The following PXN variants were observed in gnomAD, a reference collection of about 807,000 sequenced individuals.
PXN encodes paxillin.
A neutral mutation model predicts 103.6 loss-of-function variants in PXN; 61 were observed. The observed-to-expected ratio is 0.59, with a 90% CI of 0.48 to 0.73. PXN has a LOEUF of 0.73. Among genes scored for constraint, PXN ranks in the 30% least tolerant of loss-of-function variants. The pLI, the probability that PXN is intolerant of heterozygous loss-of-function variation, is 0.00. For missense variants in PXN, 1,274 were observed against 1,460.3 expected, an observed-to-expected ratio of 0.87 and a Z score of 2.08; for synonymous variants, 562 against 607.8, an observed-to-expected ratio of 0.92 and a Z score of 1.11.
chr12:120,262,271 A>G (rs1057376734), intron 1 of PXN, among the ~76,000 whole-genome samples: 4 of 152,248 alleles, frequency 2.6e-5, no homozygotes, highest in African/African-American at 9.6e-5. Context: ...GGCACTGCCA[A>G]CAGCTGGCTG....
intron 1 of PXN, among the ~76,000 whole-genome samples, chr12:120,235,611 G>A (rs951720919): frequency 6.6e-5 from 10 of 152,078 alleles, no homozygotes; most frequent in African/African-American, 9.7e-5. Context: ...CCAAAAAGGC[G>A]GGCCTGCTGG....
At chr12:120,223,883 CA>C (rs1371649767) in intron 2 of PXN, 50 bp from the exon 3 acceptor site, 1 of 1,392,254 alleles carries the variant, frequency 7.2e-7, no homozygotes, top group African/African-American at 1.4e-5. Context: ...GAAAAAGGAA[CA>C]GGGGCCAGGA....
In PXN at chr12:120,222,651, G is replaced by A. The variant is rs373413751; in HGVS notation, c.593C>T (p.Thr198Met). Residue 198 changes from threonine (T) to methionine (M), a missense_variant, in exon 5 of 15, where the codon ACG becomes ATG. Thr to Met is a moderately conservative substitution (Grantham distance 81). Coordinates refer to ENST00000637617, the MANE Select transcript of PXN (RefSeq NM_001385981.1). This position sits in a 1 kb window ranked among gnomAD's most constrained non-coding sequence, Gnocchi z 4.7. ...CCCATTCCGCTTAGGCTTCTCTTTC[G>A]TCAGGGGCCCAGCTTTGCCTCCCAA... is the stretch of plus-strand genomic sequence containing the variant. ...SPLGGKAGPL[T>M]KEKPKRNGGR... 6.8e-6 allele frequency: 11 copies of A among 1,608,710 alleles called. No individual in the cohort carries two copies. Among genetic ancestry groups the A allele is most frequent in the East Asian group, 6.7e-5 (3 of 44,748 alleles).
At chr12:120,258,192 CAAA>C (rs35240186) in intron 1 of PXN, among the ~76,000 whole-genome samples, 5 of 118,400 alleles carry the variant, frequency 4.2e-5, no homozygotes, top group Non-Finnish European at 7.4e-5. Context: ...GACTCCGTCT[CAAA>C]AAAAAAAAAA....
chr12:120,244,153 T>C (rs1041950752), intron 1 of PXN, among the ~76,000 whole-genome samples: 1 of 147,542 alleles, frequency 6.8e-6, no homozygotes, highest in Non-Finnish European at 1.5e-5. Context: ...TCCCAGAATG[T>C]CCCATCTACT....
At chr12:120,262,117 A>T (rs1273242602) in intron 1 of PXN, among the ~76,000 whole-genome samples, 1 of 152,226 alleles carries the variant, frequency 6.6e-6, no homozygotes. Context: ...CCATGGAAAC[A>T]GGGAGGCTCC....
rs542366461 is a variant in PXN, at chr12:120,224,610, C to T, written c.14-233G>A. ...CCCAGGACTGAAAGTGCTCTAGAGG[C>T]GGGCTCTGGGGCTGCCCTGTGGGAT... On this transcript the variant is annotated intron_variant, in intron 1 of 14. Transcript: ENST00000637617. This position sits in a 1 kb window ranked among gnomAD's most constrained non-coding sequence, Gnocchi z 5.0. The T allele has an allele frequency of 1.2e-5, 8 of 689,388 alleles. No homozygotes were observed. The highest frequency in any genetic ancestry group is 5.5e-5 in the East Asian group (2 of 36,236). 42.7% of individuals were successfully genotyped at this position (689,388 alleles called of 1,614,324 possible).
rs1884729287 is a variant in PXN, at chr12:120,220,306, A to G, written c.832-215T>C. ...TCACCAAACCCAAGCAAGAGAAAGC[A>G]GCCACCAAGCCGTGCCTGTGGAGCC... On this transcript the variant is annotated intron_variant, in intron 6 of 14. Coordinates refer to ENST00000637617, the MANE Select transcript of PXN (RefSeq NM_001385981.1). The surrounding 1 kb of genome is among the most constrained non-coding windows in gnomAD (Gnocchi z 6.1). Among the ~76,000 whole-genome samples, 1 of 152,154 alleles carries G rather than the reference A, an allele frequency of 6.6e-6. No homozygotes were observed.
intron 1 of PXN, among the ~76,000 whole-genome samples, chr12:120,253,553 T>C (rs544773648): frequency 2.0e-5 from 3 of 152,208 alleles, no homozygotes; most frequent in African/African-American, 2.4e-5. Context: ...TCTTGCATCA[T>C]TGCCTGTGGT....
chr12:120,216,534 A>T lies in PXN; in HGVS notation c.2040T>A (p.Ser680=). The T allele has an allele frequency of 7.1e-7, 1 of 1,409,176 alleles. No homozygotes were observed. The highest frequency in any genetic ancestry group is 1.5e-5 in the African/African-American group (1 of 67,214). 87.3% of individuals were successfully genotyped at this position (1,409,176 alleles called of 1,614,324 possible). A position where few individuals can be genotyped will look rare whatever the true frequency, so the allele number is the denominator to read the frequency against. Residue 680 remains serine, a synonymous_variant, in exon 9 of 15, where the codon TCT becomes TCA. Transcript: ENST00000637617. The surrounding 1 kb of genome is among the most constrained non-coding windows in gnomAD (Gnocchi z 5.1). ...AAGGGACAGAAGGAGAAGCCAGGAC[A>T]GAGATGGTTCTTCTCAGGGGAATGG... ...GSPIPLRRTI[S]VLASPSVPLL... is the part of the protein sequence containing the mutation.
At chr12:120,262,599 A>G (rs958855561) in intron 1 of PXN, among the ~76,000 whole-genome samples, 8 of 152,188 alleles carry the variant, frequency 5.3e-5, no homozygotes, top group Admixed American at 4.6e-4. Context: ...TACAGCTCGT[A>G]AAGTGCTGAG....
rs1885539486 is a variant in PXN at position 120,222,676 on chromosome 12, A to G, written c.568T>C (p.Leu190=). The change falls in exon 5 of 15, where the codon TTG becomes CTG. Residue 190 remains leucine (L), a synonymous_variant. Coordinates refer to ENST00000637617, the MANE Select transcript of PXN (RefSeq NM_001385981.1). This position sits in a 1 kb window ranked among gnomAD's most constrained non-coding sequence, Gnocchi z 4.7. ...GTCAGGGGCCCAGCTTTGCCTCCCA[A>G]GGGGCTGTTAGTCTCTGGGACACCA... ...LYGVPETNSP[L]GGKAGPLTKE... 1.2e-6 allele frequency: 2 copies of G among 1,608,906 alleles called. No homozygotes were observed. The highest frequency in any genetic ancestry group is 1.7e-6 in the Non-Finnish European group (2 of 1,177,836).
intron 1 of PXN, among the ~76,000 whole-genome samples, chr12:120,251,006 C>A (rs1024679669): frequency 1.3e-5 from 2 of 152,136 alleles, no homozygotes; most frequent in Admixed American, 6.5e-5. Flanking sequence ...GAGTTCAAGA[C>A]CAGCCTGGCC....
chr12:120,256,849 C>G (rs1471287242), intron 1 of PXN, among the ~76,000 whole-genome samples: 1 of 152,106 alleles, frequency 6.6e-6, no homozygotes, highest in Non-Finnish European at 1.5e-5. Flanking sequence ...TCCCGAGTAG[C>G]TGGGATTACA....
rs1408269778 is a variant in PXN at position 120,213,883 on chromosome 12, C to A, written c.2938G>T (p.Ala980Ser). The change falls in exon 14 of 15, where the codon GCC becomes TCC. Residue 980 changes from alanine to serine, a missense_variant. By Grantham distance (99) the Ala-to-Ser change is moderately conservative. Transcript: ENST00000637617. The surrounding 1 kb of genome is among the most constrained non-coding windows in gnomAD (Gnocchi z 4.2). ...ARAILENYISALNTLWHPECF... is the reference protein window; with the variant it reads ...ARAILENYISSLNTLWHPECF... ...TCAGGATGCCACAGCGTGTTGAGGG[C>A]TGAGATATAGTTCTCCAGGATGGCC... The A allele has an allele frequency of 6.2e-7, 1 of 1,611,484 alleles. No homozygotes were observed. The highest frequency in any genetic ancestry group is 8.5e-7 in the Non-Finnish European group (1 of 1,178,960).
chr12:120,262,567 C>G (rs1412262028), intron 1 of PXN, among the ~76,000 whole-genome samples: 1 of 152,156 alleles, frequency 6.6e-6, no homozygotes, highest in African/African-American at 2.4e-5. Flanking sequence ...GCGAAAACAC[C>G]TCCCTTTCTG....
In PXN at chr12:120,221,875, T is replaced by C; in HGVS notation, c.696-117A>G. The C allele has an allele frequency of 1.4e-6, 2 of 1,391,938 alleles. No homozygotes were observed. Among genetic ancestry groups the C allele is most frequent in the Non-Finnish European group, 1.9e-6 (2 of 1,050,968 alleles). The allele number at this position is 1,391,938 out of a possible 1,614,324, so 86.2% of individuals were successfully genotyped here. A position where few individuals can be genotyped will look rare whatever the true frequency, so the allele number is the denominator to read the frequency against. On this transcript the variant is annotated intron_variant, in intron 5 of 14. Coordinates refer to ENST00000637617, the MANE Select transcript of PXN (RefSeq NM_001385981.1). The surrounding 1 kb of genome is among the most constrained non-coding windows in gnomAD (Gnocchi z 6.6). The stretch of plus-strand genomic sequence containing the variant: ...CTCACCATCCCCAACCCCAGGGAGG[T>C]CCACCAGCTCCCTGTCTCTCCTGGG...
In PXN at chr12:120,215,345, G is replaced by A. The variant is rs951467531; in HGVS notation, c.2404-72C>T. 1 of 1,524,470 alleles carries A rather than the reference G, an allele frequency of 6.6e-7. No individual in the cohort carries two copies. Among genetic ancestry groups the A allele is most frequent in the Non-Finnish European group, 8.8e-7 (1 of 1,140,010 alleles). 94.4% of individuals were successfully genotyped at this position (1,524,470 alleles called of 1,614,324 possible). The stretch of plus-strand genomic sequence containing the variant: ...CGGTGTCTGGCAGCACAGGGATGGG[G>A]GTACTTTTCTCCCTCCTGGACAGAT... On this transcript the variant is annotated intron_variant, in intron 10 of 14. Transcript: ENST00000637617. This position sits in a 1 kb window ranked among gnomAD's most constrained non-coding sequence, Gnocchi z 4.9.
rs548417005 is a variant in PXN, at chr12:120,210,646, C to A, written c.*1668G>T. 6.6e-6 allele frequency: 1 copy of A among 152,448 alleles called. No individual in the cohort carries two copies. Among genetic ancestry groups the A allele is most frequent in the Non-Finnish European group, 1.5e-5 (1 of 68,116 alleles). The allele number at this position is 152,448 out of a possible 1,614,324, so 9.4% of individuals were successfully genotyped here. A position where few individuals can be genotyped will look rare whatever the true frequency, so the allele number is the denominator to read the frequency against. Reference sequence around the variant, plus strand: ...ACTATAAACAGAGCGGTAAGGCCTGCGGGTGAAAGTGGAGACATCAGACCT... The same window carrying A: ...ACTATAAACAGAGCGGTAAGGCCTGAGGGTGAAAGTGGAGACATCAGACCT... On this transcript the variant is annotated 3_prime_UTR_variant, in exon 15 of 15. Coordinates refer to ENST00000637617, the MANE Select transcript of PXN (RefSeq NM_001385981.1).
Sources: allele counts gnomAD v4.1 joint callset (sites outside exome capture counted in the v4.1 genomes callset), GRCh38; gene constraint gnomAD v4.1.1; non-coding constraint Gnocchi (gnomAD v3.1); transcripts MANE v1.5; gene names NCBI Gene and HGNC (gene_info 2026-07-23, HGNC 2026-07-21).